The following FOXK1 variants were observed in gnomAD, a reference collection of about 807,000 sequenced individuals.
FOXK1 encodes forkhead box K1, also known as forkhead box protein K1.
A neutral mutation model predicts 51.9 loss-of-function variants in FOXK1; 19 were observed. That is an observed-to-expected ratio of 0.37 (90% CI 0.26 to 0.54). The LOEUF (loss-of-function observed/expected upper bound fraction) is 0.54. FOXK1 is among the 20% of genes least tolerant of loss of function. The pLI, the probability that FOXK1 is intolerant of heterozygous loss-of-function variation, is 0.87. For missense variants in FOXK1, 870 were observed against 1,032.7 expected, an observed-to-expected ratio of 0.84 and a Z score of 2.16; for synonymous variants, 537 against 482.6, an observed-to-expected ratio of 1.11 and a Z score of -1.48.
rs1388760600 is a variant in FOXK1 at position 4,753,532 on chromosome 7, G to T, written c.747-927G>T. On this transcript the variant is annotated intron_variant, in intron 2 of 8. Transcript: ENST00000328914. The surrounding 1 kb of genome is among the most constrained non-coding windows in gnomAD (Gnocchi z 4.9). ...AGGGGGGATGTCAGCATCACAGGTG[G>T]GCAGGGTCCATCTCAGGACGGGGCT... 6.6e-6 allele frequency among the ~76,000 whole-genome samples: 1 copy of T among 152,154 alleles called. No homozygotes were observed. The highest frequency in any genetic ancestry group is 1.5e-5 in the Non-Finnish European group (1 of 68,030).
chr7:4,703,512 G>C lies in FOXK1; in HGVS notation c.560+20644G>C, dbSNP rs537913391. Among the ~76,000 whole-genome samples, 12 of 152,376 alleles carry C rather than the reference G, an allele frequency of 7.9e-5. No homozygotes were observed. In the South Asian group the frequency reaches 1.9e-3, roughly 24 times the overall value. ...TCCCCCAGGGTGGCCCGACCCTGCT[G>C]CGCGGGAGGGAAAGAGCCACAACAA... On this transcript the variant is annotated intron_variant, in intron 1 of 8. Coordinates refer to ENST00000328914, the MANE Select transcript of FOXK1 (RefSeq NM_001037165.2). The surrounding 1 kb of genome is among the most constrained non-coding windows in gnomAD (Gnocchi z 5.6).
At chr7:4,728,136 G>A (rs1009559265) in intron 1 of FOXK1, among the ~76,000 whole-genome samples, 2 of 152,166 alleles carry the variant, frequency 1.3e-5, no homozygotes, top group African/African-American at 4.8e-5. Flanking sequence ...CTTCTGTTTG[G>A]AGCAGTTCTG....
intron 1 of FOXK1, among the ~76,000 whole-genome samples, chr7:4,705,552 TCTCTCTCG>T (rs1391645662): frequency 3.8e-4 from 54 of 143,676 alleles, no homozygotes; most frequent in Middle Eastern, 3.6e-3. Context: ...TCTCTCTCTC[TCTCTCTCG>T]CTCTCGCTCT....
rs952533013 is a variant in FOXK1 at position 4,696,090 on chromosome 7, T to C, written c.560+13222T>C. Among the ~76,000 whole-genome samples the C allele has an allele frequency of 1.4e-5, 2 of 140,894 alleles. 1 individual carries two copies. The highest frequency in any genetic ancestry group is 1.6e-4 in the Admixed American group (2 of 12,856). The allele number at this position is 140,894 out of a possible 152,430, so 92.4% of individuals were successfully genotyped here. On this transcript the variant is annotated intron_variant, in intron 1 of 8. Transcript: ENST00000328914. ...AAGGATGCACCACTGCACTCCAGCCTGGGCGACAGAGCAAGACTGTGTCTC... is the reference window on the plus strand; with the variant it reads ...AAGGATGCACCACTGCACTCCAGCCCGGGCGACAGAGCAAGACTGTGTCTC...
rs760393492 is a variant in FOXK1 at position 4,734,596 on chromosome 7, G to A, written c.561-6242G>A. Among the ~76,000 whole-genome samples, 3 of 152,192 alleles carry A rather than the reference G, an allele frequency of 2.0e-5. No individual in the cohort carries two copies. Among genetic ancestry groups the A allele is most frequent in the Non-Finnish European group, 4.4e-5 (3 of 68,048 alleles). ...CGCTGCCCAAGTGTGCGTGGGCATC[G>A]GTGCACGGGGCTCCCTCCCTGGGGC... On this transcript the variant is annotated intron_variant, in intron 1 of 8. Coordinates refer to ENST00000328914, the MANE Select transcript of FOXK1 (RefSeq NM_001037165.2). This position sits in a 1 kb window ranked among gnomAD's most constrained non-coding sequence, Gnocchi z 5.2.
At chr7:4,694,921 C>T (rs1464303131) in intron 1 of FOXK1, among the ~76,000 whole-genome samples, 1 of 152,220 alleles carries the variant, frequency 6.6e-6, no homozygotes, top group Non-Finnish European at 1.5e-5. Flanking sequence ...ATACAGTTTA[C>T]TGATGAAATT....
rs775572643 is a variant in FOXK1, at chr7:4,754,568, G to A, written c.856G>A (p.Ala286Thr). The A allele has an allele frequency of 3.1e-6, 5 of 1,609,392 alleles. No homozygotes were observed. In the South Asian group the frequency reaches 4.4e-5, roughly 14 times the overall value. The change falls in exon 3 of 9, where the codon GCC (alanine) becomes ACC (threonine). Residue 286 changes from alanine to threonine, a missense_variant. Ala to Thr is a moderately conservative substitution (Grantham distance 58, BLOSUM62 0). Coordinates refer to ENST00000328914, the MANE Select transcript of FOXK1 (RefSeq NM_001037165.2). Reference protein sequence around the residue: ...LQLAAEFAAKAASEQQADTSG... With the variant: ...LQLAAEFAAKTASEQQADTSG... The stretch of plus-strand genomic sequence containing the variant: ...GCTGGCAGCAGAGTTTGCAGCAAAG[G>A]CCGCGTCGGAGCAGCAGGCAGACAC...
rs1054088605 is a variant in FOXK1, at chr7:4,722,241, C to A, written c.561-18597C>A. 6.6e-6 allele frequency among the ~76,000 whole-genome samples: 1 copy of A among 152,056 alleles called. No individual in the cohort carries two copies. Among genetic ancestry groups the A allele is most frequent in the Non-Finnish European group, 1.5e-5 (1 of 67,910 alleles). On this transcript the variant is annotated intron_variant, in intron 1 of 8. Transcript: ENST00000328914. This position sits in a 1 kb window ranked among gnomAD's most constrained non-coding sequence, Gnocchi z 5.1. The stretch of plus-strand genomic sequence containing the variant: ...CCTGGAAATAAATGCCAGCACCGTG[C>A]AAGCTGGCTTTGCATTCTCTGCCTT...
chr7:4,736,240 G>T (rs936986385), intron 1 of FOXK1, among the ~76,000 whole-genome samples: 2 of 152,110 alleles, frequency 1.3e-5, no homozygotes, highest in African/African-American at 4.8e-5. Flanking sequence ...CACTGTTACG[G>T]CAGATACTGT....
chr7:4,682,979 C>A lies in FOXK1; in HGVS notation c.560+111C>A, dbSNP rs11561865. On this transcript the variant is annotated intron_variant, in intron 1 of 8. Coordinates refer to ENST00000328914, the MANE Select transcript of FOXK1 (RefSeq NM_001037165.2). The surrounding 1 kb of genome is among the most constrained non-coding windows in gnomAD (Gnocchi z 7.6). ...CCAGCTTCCTCGGCCTCGACCCCCA[C>A]CCCCCGGCCCACCCCCGGTAACCCC... 0.28 allele frequency: 312,815 copies of A among 1,102,462 alleles called. 46,101 individuals are homozygous for A. The highest frequency in any genetic ancestry group is 0.35 in the South Asian group (18,949 of 54,120). 68.3% of individuals were successfully genotyped at this position (1,102,462 alleles called of 1,614,324 possible).
At chr7:4,717,654 C>T (rs1583193202) in intron 1 of FOXK1, among the ~76,000 whole-genome samples, 1 of 152,276 alleles carries the variant, frequency 6.6e-6, no homozygotes, top group South Asian at 2.1e-4. Flanking sequence ...AGAGGCAGGG[C>T]CCTTCCCTGC....
chr7:4,755,502 C>A lies in FOXK1; in HGVS notation c.1050+119C>A. On this transcript the variant is annotated intron_variant, in intron 4 of 8. Coordinates refer to ENST00000328914, the MANE Select transcript of FOXK1 (RefSeq NM_001037165.2). This position sits in a 1 kb window ranked among gnomAD's most constrained non-coding sequence, Gnocchi z 6.6. ...AGTGAGGGGGCTCACGCCTGGAACC[C>A]TAGCATTTTGTGAGGCCGAGGCAGG... 7.2e-7 allele frequency: 1 copy of A among 1,392,452 alleles called. No homozygotes were observed. Among genetic ancestry groups the A allele is most frequent in the East Asian group, 2.4e-5 (1 of 41,898 alleles). 86.3% of individuals were successfully genotyped at this position (1,392,452 alleles called of 1,614,324 possible). A position where few individuals can be genotyped will look rare whatever the true frequency, so the allele number is the denominator to read the frequency against.
intron 1 of FOXK1, among the ~76,000 whole-genome samples, chr7:4,710,618 T>C (rs893507592): frequency 6.6e-6 from 1 of 152,098 alleles, no homozygotes; most frequent in African/African-American, 2.4e-5. Context: ...TAAATAGCTG[T>C]GTATTTTGGA....
At position 4,745,081 on chromosome 7, in the gene FOXK1, C is replaced by T. The variant is rs1780684416; in HGVS notation, c.746+4058C>T. Among the ~76,000 whole-genome samples the T allele has an allele frequency of 6.6e-6, 1 of 152,228 alleles. No individual in the cohort carries two copies. The highest frequency in any genetic ancestry group is 1.9e-4 in the East Asian group (1 of 5,192). ...ACAAACACTCCCTGCCCTTCCCTGC[C>T]ACCTCCCCACTCTCCTCCTCTCTGG... is the stretch of plus-strand genomic sequence containing the variant. On this transcript the variant is annotated intron_variant, in intron 2 of 8. Transcript: ENST00000328914. The surrounding 1 kb of genome is among the most constrained non-coding windows in gnomAD (Gnocchi z 4.3).
At chr7:4,708,019 G>A (rs895491083) in intron 1 of FOXK1, among the ~76,000 whole-genome samples, 12 of 151,966 alleles carry the variant, frequency 7.9e-5, no homozygotes, top group Non-Finnish European at 1.5e-5. Context: ...AGTAAATGTG[G>A]AGGGAGAGAG....
At chr7:4,721,337 CCA>C (rs1390867661) in intron 1 of FOXK1, among the ~76,000 whole-genome samples, 1 of 152,120 alleles carries the variant, frequency 6.6e-6, no homozygotes, top group Non-Finnish European at 1.5e-5. Context: ...TCGCTGCAGC[CCA>C]TAATGGTGCA....
Position 4,683,603 on chromosome 7 carries a change from C to G in FOXK1, c.560+735C>G, listed in dbSNP as rs1376478626. 2.6e-5 allele frequency among the ~76,000 whole-genome samples: 4 copies of G among 151,792 alleles called. No homozygotes were observed. The highest frequency in any genetic ancestry group is 9.7e-5 in the African/African-American group (4 of 41,348). On this transcript the variant is annotated intron_variant, in intron 1 of 8. Transcript: ENST00000328914. This position sits in a 1 kb window ranked among gnomAD's most constrained non-coding sequence, Gnocchi z 4.5. ...CCCTGGACCCCCACCAGCTTGGACT[C>G]CAGGGTCACCCCAGCCTGACCTGGT...
intron 1 of FOXK1, among the ~76,000 whole-genome samples, chr7:4,687,224 G>A (rs558112226): frequency 3.3e-5 from 5 of 152,008 alleles, no homozygotes; most frequent in African/African-American, 7.2e-5. Flanking sequence ...GAGCCACCAC[G>A]CCCGGCCTTT....
chr7:4,686,038 G>C (rs745924593), intron 1 of FOXK1, among the ~76,000 whole-genome samples: 6 of 152,142 alleles, frequency 3.9e-5, no homozygotes, highest in Admixed American at 2.0e-4. Context: ...TCAGCGCAAG[G>C]AAGTTAGATG....
Sources: allele counts gnomAD v4.1 joint callset (sites outside exome capture counted in the v4.1 genomes callset), GRCh38; gene constraint gnomAD v4.1.1; non-coding constraint Gnocchi (gnomAD v3.1); transcripts MANE v1.5; gene names NCBI Gene and HGNC (gene_info 2026-07-23, HGNC 2026-07-21).